Variants in NBAS observed in about 807,000 individuals in gnomAD.
NBAS encodes the protein NBAS subunit of NRZ tethering complex, also known as NAG/BC035112 fusion.
A neutral mutation model predicts 302.5 loss-of-function variants in NBAS; 219 were observed. That is an observed-to-expected ratio of 0.72 (90% CI 0.65 to 0.81). NBAS has a LOEUF of 0.81. NBAS is among the 30% of genes least tolerant of loss of function. NBAS has a pLI of 0.00. For missense variants in NBAS, 2,932 were observed against 2,841.6 expected (o/e 1.03, Z -0.72); for synonymous variants, 1,118 against 1,021.6 (o/e 1.09, Z -1.80).
At chr2:14,989,352 G>A in the NBAS span, among the ~76,000 whole-genome samples, 2 of 144,382 alleles carry the variant, frequency 1.4e-5, no homozygotes, top group Admixed American at 1.4e-4. Flanking sequence ...GAGGTCAGAA[G>A]TGCGAGACCA....
intron 5 of NBAS, among the ~76,000 whole-genome samples, chr2:15,552,311 T>C (rs1482306286): frequency 6.6e-6 from 1 of 152,198 alleles, no homozygotes; most frequent in Admixed American, 6.5e-5. Flanking sequence ...TGAAATATTA[T>C]GGAATTACTA....
intron 41 of NBAS, 65 bp downstream of exon 41, chr2:15,292,472 G>T: frequency 6.6e-7 from 1 of 1,515,262 alleles, no homozygotes; most frequent in Non-Finnish European, 9.1e-7. Flanking sequence ...TAATAGTCCT[G>T]GTAACTGAAC....
chr2:15,101,344 A>G, the NBAS span, among the ~76,000 whole-genome samples: 1 of 152,096 alleles, frequency 6.6e-6, no homozygotes, highest in Non-Finnish European at 1.5e-5. Flanking sequence ...ACAATTTAGG[A>G]TATTATCTAT....
chr2:15,361,144 C>T (rs1673900582), intron 32 of NBAS, among the ~76,000 whole-genome samples: 1 of 152,160 alleles, frequency 6.6e-6, no homozygotes, highest in African/African-American at 2.4e-5. Context: ...ATGGAACCAC[C>T]ATTGCATATG....
the NBAS span, among the ~76,000 whole-genome samples, chr2:14,859,363 A>G: frequency 1.3e-5 from 2 of 152,052 alleles, no homozygotes; most frequent in African/African-American, 2.4e-5. Flanking sequence ...ATGGAACCAT[A>G]AAAGACTCTG....
At chr2:15,363,342 T>G (rs569300964) in intron 32 of NBAS, among the ~76,000 whole-genome samples, 10 of 152,318 alleles carry the variant, frequency 6.6e-5, no homozygotes, top group Non-Finnish European at 8.8e-5. Context: ...AACTACTCAG[T>G]CTCTTTCATA....
intron 45 of NBAS, among the ~76,000 whole-genome samples, chr2:15,235,541 G>A (rs1667553849): frequency 6.6e-6 from 1 of 152,120 alleles, no homozygotes; most frequent in Non-Finnish European, 1.5e-5. Flanking sequence ...TTTTGCCTTT[G>A]AAACCAACCA....
chr2:14,952,862 A>G, the NBAS span, among the ~76,000 whole-genome samples: 75 of 152,224 alleles, frequency 4.9e-4, 1 homozygote, highest in Non-Finnish European at 2.5e-4. Context: ...AGAGAGTAAA[A>G]CAGTCAAGTA....
chr2:14,967,656 G>A, the NBAS span, among the ~76,000 whole-genome samples: 2 of 152,056 alleles, frequency 1.3e-5, no homozygotes, highest in Non-Finnish European at 2.9e-5. Context: ...GTTAGGGAAA[G>A]GTCTCTTAGC....
chr2:15,390,381 G>A (rs1220765535), intron 28 of NBAS, among the ~76,000 whole-genome samples: 1 of 152,194 alleles, frequency 6.6e-6, no homozygotes. Context: ...TCACTTACAT[G>A]TAAAATTTTT....
chr2:15,459,488 T>C (rs1042011556), intron 21 of NBAS, among the ~76,000 whole-genome samples: 5 of 141,322 alleles, frequency 3.5e-5, no homozygotes, highest in Non-Finnish European at 1.5e-5. Context: ...GAAAAAAGCA[T>C]CCTGAGCATT....
chr2:14,779,476 C>T, the NBAS span, among the ~76,000 whole-genome samples: 8,114 of 152,238 alleles, frequency 0.053, 226 homozygotes, highest in Non-Finnish European at 0.059. Context: ...ATTTCCTTAG[C>T]TCCTCACTAT....
chr2:15,539,115 A>T, intron 7 of NBAS, 108 bp downstream of exon 7: 1 of 1,446,212 alleles, frequency 6.9e-7, no homozygotes, highest in Non-Finnish European at 9.6e-7. Context: ...ACAGCTTATT[A>T]TTCTGATTTA....
the NBAS span, among the ~76,000 whole-genome samples, chr2:14,859,063 CA>C: frequency 6.6e-6 from 1 of 151,720 alleles, no homozygotes; most frequent in African/African-American, 2.4e-5. Context: ...AAAAACAAAT[CA>C]AGAAAGTAAT....
chr2:15,291,931 T>A (rs558966767), intron 41 of NBAS, among the ~76,000 whole-genome samples: 35 of 151,500 alleles, frequency 2.3e-4, no homozygotes, highest in African/African-American at 7.7e-4. Context: ...CAGGAAACTT[T>A]AAAAAAAAAT....
At chr2:15,237,306 C>T (rs1025897670) in intron 45 of NBAS, among the ~76,000 whole-genome samples, 1 of 151,926 alleles carries the variant, frequency 6.6e-6, no homozygotes, top group Non-Finnish European at 1.5e-5. Context: ...CTAACACCTG[C>T]GTTTTCAAAC....
chr2:15,014,637 G>C, the NBAS span, among the ~76,000 whole-genome samples: 1 of 151,978 alleles, frequency 6.6e-6, no homozygotes, highest in Non-Finnish European at 1.5e-5. Context: ...GCAGTATTAA[G>C]AGGTAAGTTT....
chr2:14,893,399 T>G, the NBAS span, among the ~76,000 whole-genome samples: 1 of 152,220 alleles, frequency 6.6e-6, no homozygotes, highest in Non-Finnish European at 1.5e-5. Flanking sequence ...CTAGTTTTTG[T>G]TACATTTTCT....
In NBAS at chr2:15,424,313, A is replaced by G. The variant is rs1380932561; in HGVS notation, c.2577+2T>C. The G allele has an allele frequency of 6.2e-7, 1 of 1,613,898 alleles. No homozygotes were observed. The highest frequency in any genetic ancestry group is 8.5e-7 in the Non-Finnish European group (1 of 1,179,908). ...TGAGCAGCAGCTGCCATTTCCCCTC[A>G]CCTGCCGAGCATAATGCTCTATTTC... On this transcript the variant is annotated splice_donor_variant, in intron 23 of 51. Coordinates refer to ENST00000281513, the MANE Select transcript of NBAS (RefSeq NM_015909.4). LOFTEE classifies it high-confidence loss of function.
Sources: allele counts gnomAD v4.1 joint callset (sites outside exome capture counted in the v4.1 genomes callset), GRCh38; gene constraint gnomAD v4.1.1; transcripts MANE v1.5; gene names NCBI Gene and HGNC (gene_info 2026-07-23, HGNC 2026-07-21).